Variants in LUZP2 observed in about 807,000 individuals in gnomAD.
LUZP2 encodes the protein leucine zipper protein 2.
Under a neutral mutation model 51.6 loss-of-function variants are expected in LUZP2, and 52 were observed. The observed-to-expected ratio is 1.01, with a 90% CI of 0.81 to 1.27. The LOEUF (loss-of-function observed/expected upper bound fraction) is 1.27, where lower values mean the gene tolerates loss of function less well. Ranked by LOEUF, LUZP2 falls within the 50% of genes most tolerant of loss-of-function variation. The pLI, the probability that LUZP2 is intolerant of heterozygous loss-of-function variation, is 0.00. For synonymous variants in LUZP2, 154 were observed against 137.3 expected (o/e 1.12, Z -0.85); for missense variants, 436 against 395.4 (o/e 1.10, Z -0.87).
intron 1 of LUZP2, among the ~76,000 whole-genome samples, chr11:24,641,358 C>T (rs1451595283): frequency 6.6e-6 from 1 of 151,814 alleles, no homozygotes; most frequent in East Asian, 1.9e-4. Context: ...TAATTTGCAA[C>T]TTTACCATCT....
intron 9 of LUZP2, among the ~76,000 whole-genome samples, chr11:25,019,694 T>C (rs1857273053): frequency 6.6e-6 from 1 of 152,128 alleles, no homozygotes; most frequent in African/African-American, 2.4e-5. Flanking sequence ...TGGATTATTG[T>C]TTGCTGAATG....
chr11:24,719,220 A>G (rs1424296269), intron 1 of LUZP2, among the ~76,000 whole-genome samples: 3 of 152,244 alleles, frequency 2.0e-5, no homozygotes, highest in Non-Finnish European at 4.4e-5. Flanking sequence ...GCTATTATAT[A>G]AACATTCAAA....
chr11:24,680,858 C>T (rs534252418), intron 1 of LUZP2, among the ~76,000 whole-genome samples: 3 of 152,238 alleles, frequency 2.0e-5, no homozygotes, highest in Middle Eastern at 3.4e-3. Context: ...AAAGTCCATA[C>T]GTTTTCCACT....
intron 1 of LUZP2, among the ~76,000 whole-genome samples, chr11:24,654,634 C>G (rs1426937350): frequency 2.1e-5 from 3 of 141,802 alleles, no homozygotes; most frequent in African/African-American, 7.7e-5. Context: ...CTCCCACCCC[C>G]ACCCCACCCA....
At chr11:24,532,262 TA>T (rs199992591) in intron 1 of LUZP2, among the ~76,000 whole-genome samples, 4 of 148,476 alleles carry the variant, frequency 2.7e-5, no homozygotes, top group African/African-American at 7.7e-5. Flanking sequence ...ATTACAAATT[TA>T]AAAAAATAAG....
At chr11:24,593,278 C>T (rs759729198) in intron 1 of LUZP2, among the ~76,000 whole-genome samples, 2 of 152,130 alleles carry the variant, frequency 1.3e-5, no homozygotes, top group Admixed American at 6.6e-5. Flanking sequence ...ATTTTGATCA[C>T]TAATTTTTGT....
chr11:24,779,990 G>T (rs1301138389), intron 5 of LUZP2, among the ~76,000 whole-genome samples: 1 of 152,104 alleles, frequency 6.6e-6, no homozygotes, highest in African/African-American at 2.4e-5. Context: ...CTCCCGTAGG[G>T]CCTCTGGAGG....
chr11:24,802,606 A>G (rs1436094877), intron 5 of LUZP2, among the ~76,000 whole-genome samples: 1 of 151,972 alleles, frequency 6.6e-6, no homozygotes, highest in Non-Finnish European at 1.5e-5. Context: ...ATCATTTCTT[A>G]CATCTTGTAA....
chr11:24,749,424 G>A (rs78232337), intron 4 of LUZP2, among the ~76,000 whole-genome samples: 1,829 of 152,254 alleles, frequency 0.012, 19 homozygotes, highest in Non-Finnish European at 0.017. Flanking sequence ...TGAAGGATAC[G>A]TAGATAGCTG....
chr11:24,839,096 C>T (rs1239656543), intron 5 of LUZP2, among the ~76,000 whole-genome samples: 6 of 151,612 alleles, frequency 4.0e-5, no homozygotes, highest in Non-Finnish European at 7.4e-5. Context: ...AGGTTGTATA[C>T]TCATGAGCAT....
intron 9 of LUZP2, among the ~76,000 whole-genome samples, chr11:25,018,319 T>G (rs1262717940): frequency 6.6e-6 from 1 of 152,120 alleles, no homozygotes; most frequent in Non-Finnish European, 1.5e-5. Context: ...CTGATTGTTC[T>G]GGCTGGGACT....
chr11:24,634,532 T>G (rs532402766), intron 1 of LUZP2, among the ~76,000 whole-genome samples: 36 of 152,188 alleles, frequency 2.4e-4, no homozygotes, highest in Non-Finnish European at 4.7e-4. Context: ...TCTCATTCCC[T>G]ATTTTTTCCC....
intron 10 of LUZP2, among the ~76,000 whole-genome samples, chr11:25,071,611 G>A (rs1859160198): frequency 6.6e-6 from 1 of 151,648 alleles, no homozygotes; most frequent in African/African-American, 2.4e-5. Context: ...CTGCTTTTCA[G>A]GAAGGCAAAT....
chr11:24,575,442 A>G (rs1324647904), intron 1 of LUZP2, among the ~76,000 whole-genome samples: 1 of 152,200 alleles, frequency 6.6e-6, no homozygotes, highest in African/African-American at 2.4e-5. Context: ...TTAATGTGAC[A>G]TCATTGCCAT....
chr11:24,527,306 T>A (rs899771117), intron 1 of LUZP2, among the ~76,000 whole-genome samples: 2 of 151,388 alleles, frequency 1.3e-5, no homozygotes, highest in Non-Finnish European at 3.0e-5. Flanking sequence ...TCCATAAATA[T>A]ACAGATTGTA....
intron 7 of LUZP2, among the ~76,000 whole-genome samples, chr11:24,947,743 T>C (rs1854940401): frequency 6.6e-6 from 1 of 151,894 alleles, no homozygotes; most frequent in South Asian, 2.1e-4. Context: ...CGTTGGGTGA[T>C]ATCTGTTTTA....
intron 1 of LUZP2, among the ~76,000 whole-genome samples, chr11:24,598,693 T>C (rs949805188): frequency 3.3e-5 from 5 of 152,218 alleles, no homozygotes; most frequent in African/African-American, 7.2e-5. Context: ...CATATTATTA[T>C]GCCATCTTCA....
At chr11:24,940,261 A>G (rs1362393478) in intron 7 of LUZP2, among the ~76,000 whole-genome samples, 1 of 152,178 alleles carries the variant, frequency 6.6e-6, no homozygotes, top group African/African-American at 2.4e-5. Flanking sequence ...TTCTAATTTA[A>G]AGTTAACTAC....
intron 5 of LUZP2, among the ~76,000 whole-genome samples, chr11:24,878,101 T>TG (rs150254875): frequency 8.4e-3 from 61 of 7,294 alleles, no homozygotes; most frequent in African/African-American, 0.023. Flanking sequence ...ATATTCTGTG[T>TG]TTTTTTTTTT....
Sources: gnomAD v4.1 joint callset for allele counts (sites outside exome capture counted in the v4.1 genomes callset) on GRCh38, gnomAD v4.1.1 for gene constraint, MANE v1.5 for transcripts, NCBI Gene and HGNC (gene_info 2026-07-23, HGNC 2026-07-21) for gene names.